Variants in ACSL4 observed in about 807,000 individuals in gnomAD.
The protein encoded by ACSL4 is long-chain-fatty-acid--CoA ligase 4.
A neutral mutation model predicts 49.1 loss-of-function variants in ACSL4; 9 were observed. That is an observed-to-expected ratio of 0.18 (90% CI 0.11 to 0.32). The LOEUF (loss-of-function observed/expected upper bound fraction) is 0.32. Ranked by LOEUF, ACSL4 falls within the 10% of genes least tolerant of loss-of-function variation. The pLI, the probability that ACSL4 is intolerant of heterozygous loss-of-function variation, is 1.00. For synonymous variants in ACSL4, 191 were observed against 170.3 expected, an observed-to-expected ratio of 1.12 and a Z score of -0.95; for missense variants, 333 against 493.7, an observed-to-expected ratio of 0.67 and a Z score of 3.08.
At chrX:109,672,024 A>C (rs1260776336) in intron 9 of ACSL4, among the ~76,000 whole-genome samples, 7 of 100,351 alleles carry the variant, frequency 7.0e-5, no homozygotes, top group African/African-American at 2.2e-4. Flanking sequence ...CTATTGTCCT[A>C]TGACCCTGCC....
intron 2 of ACSL4, among the ~76,000 whole-genome samples, chrX:109,690,204 A>G (rs763915575): frequency 8.9e-6 from 1 of 112,618 alleles, no homozygotes; most frequent in South Asian, 3.6e-4. Flanking sequence ...AATTTGCACT[A>G]TGTGCATTTT....
At position 109,726,842 on chromosome X, in the gene ACSL4, CTTTT is replaced by C. The variant is rs749405361; in HGVS notation, c.-66+6293_-66+6296del. On this transcript the variant is annotated intron_variant, in intron 1 of 15. Coordinates refer to ENST00000672401, the MANE Select transcript of ACSL4 (RefSeq NM_001318510.2). Reference sequence around the variant, plus strand: ...TACAGGCACATGCCACCATGCCTGGCTTTTTTTGTTGTTTTTTGTTGTTGTTGTT... The same window carrying C: ...TACAGGCACATGCCACCATGCCTGGCTTTGTTGTTTTTTGTTGTTGTTGTT... 7.3e-5 allele frequency among the ~76,000 whole-genome samples: 8 copies of C among 109,026 alleles called. No individual in the cohort carries two copies. In the South Asian group the frequency reaches 1.6e-3, roughly 22 times the overall value. 94.7% of individuals were successfully genotyped at this position (109,026 alleles called of 115,157 possible). A position where few individuals can be genotyped will look rare whatever the true frequency, so the allele number is the denominator to read the frequency against.
intron 9 of ACSL4, 66 bp from the exon 10 acceptor site, chrX:109,669,239 T>G: frequency 1.1e-6 from 1 of 887,666 alleles, no homozygotes. Context: ...TGAAGATACC[T>G]TACTTGCAAC....
intron 1 of ACSL4, among the ~76,000 whole-genome samples, chrX:109,700,941 G>A (rs1042636494): frequency 4.6e-5 from 5 of 109,433 alleles, no homozygotes; most frequent in African/African-American, 1.7e-4. Context: ...TACTCAGGAG[G>A]CTGAGGCAGG....
chrX:109,644,282 A>C (rs915926013), intron 15 of ACSL4, 96 bp from the exon 16 acceptor site: 5 of 822,293 alleles, frequency 6.1e-6, no homozygotes, highest in Non-Finnish European at 8.5e-6. Flanking sequence ...AGAAGCAATT[A>C]ATAAAATATG....
At chrX:109,708,093 C>T (rs1352566160) in intron 1 of ACSL4, among the ~76,000 whole-genome samples, 2 of 111,268 alleles carry the variant, frequency 1.8e-5, no homozygotes, top group African/African-American at 3.3e-5. Flanking sequence ...TACAGGCATG[C>T]GCCACCACAT....
chrX:109,659,263 T>A lies in ACSL4; in HGVS notation c.1855+91A>T, dbSNP rs1603401078. 2.2e-5 allele frequency: 19 copies of A among 855,280 alleles called. No homozygotes were observed. The East Asian group carries it at 5.9e-4, about 27-fold the overall frequency. 70.5% of individuals were successfully genotyped at this position (855,280 alleles called of 1,213,427 possible). On this transcript the variant is annotated intron_variant, in intron 15 of 15. Transcript: ENST00000672401. ...AGGTTTCTTAAAATCCTGTATTTTATTATTAAAGCAAACATATTGAAGAGC... is the reference window on the plus strand; with the variant it reads ...AGGTTTCTTAAAATCCTGTATTTTAATATTAAAGCAAACATATTGAAGAGC...
intron 2 of ACSL4, chrX:109,683,588 A>G: frequency 1.6e-6 from 1 of 631,027 alleles, no homozygotes; most frequent in Non-Finnish European, 2.6e-6. Flanking sequence ...CAGTAAGAAT[A>G]GCAGTACAGC....
rs1479216378 is a variant in ACSL4 at position 109,683,244 on chromosome X, T to A, written c.120A>T (p.Lys40Asn). The part of the protein sequence containing the change: ...IDIPGADTLD[K>N]LFDHAVSKFG... ...ACTTGGATACAGCATGGTCAAATAA[T>A]TTATCCAGAGTATCTGCTCCAGGGA... Residue 40 changes from lysine (K) to asparagine (N), a missense_variant, in exon 3 of 16, where the codon AAA (lysine) becomes AAT (asparagine). By Grantham distance (94) the Lys-to-Asn change is moderately conservative (BLOSUM62 0). Transcript: ENST00000672401. 6 of 1,210,572 alleles carry A rather than the reference T, an allele frequency of 5.0e-6. No individual in the cohort carries two copies. Among genetic ancestry groups the A allele is most frequent in the Non-Finnish European group, 5.6e-6 (5 of 895,337 alleles).
At chrX:109,730,759 C>T (rs941579616) in intron 1 of ACSL4, among the ~76,000 whole-genome samples, 2 of 112,339 alleles carry the variant, frequency 1.8e-5, no homozygotes, top group African/African-American at 3.2e-5. Context: ...CTCCACCTTC[C>T]GGGTTCACGC....
At chrX:109,650,022 A>G (rs1481076191) in intron 15 of ACSL4, among the ~76,000 whole-genome samples, 5 of 110,717 alleles carry the variant, frequency 4.5e-5, no homozygotes, top group Non-Finnish European at 9.5e-5. Context: ...AAAAGTCAGG[A>G]AACAACAGGT....
chrX:109,657,782 G>A (rs907873472), intron 15 of ACSL4, among the ~76,000 whole-genome samples: 1 of 111,667 alleles, frequency 9.0e-6, no homozygotes, highest in African/African-American at 3.3e-5. Context: ...AGATCCTTGA[G>A]GAATCACCAC....
At chrX:109,662,966 C>T (rs941570874) in intron 13 of ACSL4, among the ~76,000 whole-genome samples, 15 of 111,496 alleles carry the variant, frequency 1.3e-4, no homozygotes, top group East Asian at 5.6e-4. Context: ...CTAGTACTTA[C>T]GCTAAGGTTC....
intron 15 of ACSL4, among the ~76,000 whole-genome samples, chrX:109,656,024 G>C (rs998940353): frequency 9.0e-6 from 1 of 110,703 alleles, no homozygotes; most frequent in Non-Finnish European, 1.9e-5. Flanking sequence ...TACCCAAACC[G>C]GCGAGTAAAC....
At chrX:109,669,687 C>T (rs1483146639) in intron 9 of ACSL4, among the ~76,000 whole-genome samples, 1 of 112,383 alleles carries the variant, frequency 8.9e-6, no homozygotes, top group African/African-American at 3.2e-5. Context: ...CCACCGTGCC[C>T]AGCCAAGTTA....
At chrX:109,691,812 C>T (rs1925056153) in intron 2 of ACSL4, among the ~76,000 whole-genome samples, 1 of 111,882 alleles carries the variant, frequency 8.9e-6, no homozygotes, top group South Asian at 3.7e-4. Context: ...TATTCAATAT[C>T]AAATAACTTG....
chrX:109,690,455 A>G (rs1414014244), intron 2 of ACSL4, among the ~76,000 whole-genome samples: 1 of 112,026 alleles, frequency 8.9e-6, no homozygotes, highest in Non-Finnish European at 1.9e-5. Flanking sequence ...ACTACAGGCT[A>G]GATACTGTGC....
At chrX:109,652,931 G>C (rs1457332971) in intron 15 of ACSL4, among the ~76,000 whole-genome samples, 1 of 111,329 alleles carries the variant, frequency 9.0e-6, no homozygotes, top group Non-Finnish European at 1.9e-5. Flanking sequence ...ACAGTGTCTA[G>C]AATTCAGAAA....
At chrX:109,665,304 C>G in intron 12 of ACSL4, 116 bp downstream of exon 12, 1 of 653,269 alleles carries the variant, frequency 1.5e-6, no homozygotes, top group East Asian at 3.3e-5. Context: ...GGACAGGCAA[C>G]AGCAAAACAG....
Sources: gnomAD v4.1 joint callset for allele counts (sites outside exome capture counted in the v4.1 genomes callset) on GRCh38, gnomAD v4.1.1 for gene constraint, MANE v1.5 for transcripts, NCBI Gene and HGNC (gene_info 2026-07-23, HGNC 2026-07-21) for gene names.